CAMK1D: variants seen among roughly 807,000 people sequenced by gnomAD.
CAMK1D encodes calcium/calmodulin dependent protein kinase ID, also known as calcium/calmodulin-dependent protein kinase type 1D.
Under a neutral mutation model 47.7 loss-of-function variants are expected in CAMK1D, and 9 were observed. The ratio of observed to expected loss-of-function variants is 0.19; its 90% CI spans 0.11 to 0.33. The LOEUF is 0.33. Ranked by LOEUF, CAMK1D falls within the 10% of genes least tolerant of loss-of-function variation. CAMK1D has a pLI of 1.00. For missense variants in CAMK1D, 291 were observed against 488.7 expected, an observed-to-expected ratio of 0.60 and a Z score of 3.81; for synonymous variants, 184 against 184.9, an observed-to-expected ratio of 0.99 and a Z score of 0.04.
At chr10:12,593,448 G>C (rs1838054777) in intron 2 of CAMK1D, among the ~76,000 whole-genome samples, 1 of 152,156 alleles carries the variant, frequency 6.6e-6, no homozygotes, top group South Asian at 2.1e-4. Context: ...AAATTAGCCA[G>C]GCATGGTGGT....
intron 1 of CAMK1D, among the ~76,000 whole-genome samples, chr10:12,530,733 A>G (rs543613911): frequency 5.5e-4 from 83 of 152,240 alleles, no homozygotes; most frequent in Admixed American, 2.4e-3. Flanking sequence ...TTTCTGTTCC[A>G]TCATTAAAAT....
intron 2 of CAMK1D, among the ~76,000 whole-genome samples, chr10:12,594,709 A>C (rs547664037): frequency 2.6e-5 from 4 of 152,226 alleles, no homozygotes; most frequent in African/African-American, 9.6e-5. Context: ...TGTCTGCTGG[A>C]AAATACATAG....
intron 1 of CAMK1D, among the ~76,000 whole-genome samples, chr10:12,503,212 G>T (rs1268906001): frequency 6.6e-6 from 1 of 152,318 alleles, no homozygotes. Flanking sequence ...ATGTATGTGG[G>T]TAGACGTATA....
intron 5 of CAMK1D, among the ~76,000 whole-genome samples, chr10:12,773,392 G>A (rs1395116257): frequency 6.6e-6 from 1 of 152,170 alleles, no homozygotes. Context: ...CATAGTATTT[G>A]CATATAACCT....
intron 1 of CAMK1D, among the ~76,000 whole-genome samples, chr10:12,448,444 C>T (rs1277830407): frequency 6.6e-6 from 1 of 152,122 alleles, no homozygotes; most frequent in African/African-American, 2.4e-5. Context: ...GATCCTCCTG[C>T]CTCAGCCTCC....
intron 2 of CAMK1D, among the ~76,000 whole-genome samples, chr10:12,562,535 C>T (rs1333693850): frequency 2.0e-5 from 3 of 152,176 alleles, no homozygotes; most frequent in African/African-American, 7.2e-5. Context: ...AATCCAAACT[C>T]ATTTGCAAAC....
intron 1 of CAMK1D, among the ~76,000 whole-genome samples, chr10:12,507,770 T>C (rs140636526): frequency 6.6e-6 from 1 of 152,370 alleles, no homozygotes; most frequent in African/African-American, 2.4e-5. Flanking sequence ...TTCTCTCGTG[T>C]TAATTCCTTG....
At chr10:12,563,688 AGAGAGAGAGAGG>A (rs1296718899) in intron 2 of CAMK1D, among the ~76,000 whole-genome samples, 1,581 of 72,756 alleles carry the variant, frequency 0.022, 17 homozygotes, top group African/African-American at 0.045. Context: ...AGAGAGAGAG[AGAGAGAGAGAGG>A]GAGAGAGAGG....
At chr10:12,633,958 A>G (rs1398507036) in intron 2 of CAMK1D, among the ~76,000 whole-genome samples, 2 of 152,162 alleles carry the variant, frequency 1.3e-5, no homozygotes, top group Non-Finnish European at 2.9e-5. Flanking sequence ...GTGGAGTTTG[A>G]AACCTGCACA....
At chr10:12,496,149 G>T (rs1419248821) in intron 1 of CAMK1D, among the ~76,000 whole-genome samples, 1 of 152,024 alleles carries the variant, frequency 6.6e-6, no homozygotes, top group African/African-American at 2.4e-5. Flanking sequence ...AAATGTTCCT[G>T]GTTCTCTAAA....
chr10:12,517,324 CAG>C (rs1300410733), intron 1 of CAMK1D, among the ~76,000 whole-genome samples: 7 of 152,160 alleles, frequency 4.6e-5, no homozygotes, highest in African/African-American at 1.7e-4. Context: ...TATCTGCAAA[CAG>C]AGATATATTT....
chr10:12,809,571 CAT>C (rs916770866), intron 6 of CAMK1D, among the ~76,000 whole-genome samples: 7 of 152,200 alleles, frequency 4.6e-5, no homozygotes, highest in African/African-American at 1.7e-4. Flanking sequence ...AATTCTGCAA[CAT>C]GTGACAACAT....
At chr10:12,431,668 C>T (rs1261967756) in intron 1 of CAMK1D, among the ~76,000 whole-genome samples, 2 of 152,170 alleles carry the variant, frequency 1.3e-5, no homozygotes, top group Admixed American at 6.5e-5. Context: ...GAGCTGGGGG[C>T]GTCCGTTCCC....
intron 3 of CAMK1D, among the ~76,000 whole-genome samples, chr10:12,673,404 A>G (rs1840694801): frequency 6.6e-6 from 1 of 152,134 alleles, no homozygotes; most frequent in South Asian, 2.1e-4. Flanking sequence ...TTTTTATTCT[A>G]TTTTCAATGG....
chr10:12,556,456 T>C (rs2132279885), intron 2 of CAMK1D, among the ~76,000 whole-genome samples: 1 of 151,898 alleles, frequency 6.6e-6, no homozygotes, highest in Admixed American at 6.6e-5. Context: ...GGGTAGGGGG[T>C]GCTGTCTTCT....
intron 1 of CAMK1D, among the ~76,000 whole-genome samples, chr10:12,471,015 C>CT (rs1252196028): frequency 1.3e-5 from 2 of 152,224 alleles, no homozygotes; most frequent in Non-Finnish European, 2.9e-5. Context: ...GACTTCCCCT[C>CT]TTTCTTTTTT....
chr10:12,792,714 G>T (rs60206116), intron 6 of CAMK1D, among the ~76,000 whole-genome samples: 4 of 152,148 alleles, frequency 2.6e-5, no homozygotes, highest in Non-Finnish European at 5.9e-5. Flanking sequence ...GATTCTTGTC[G>T]TTATCACAGG....
chr10:12,368,177 C>A (rs1429011951), intron 1 of CAMK1D, among the ~76,000 whole-genome samples: 2 of 144,096 alleles, frequency 1.4e-5, no homozygotes, highest in East Asian at 2.1e-4. Context: ...CCGGCCTGGG[C>A]GACAGAGCGA....
At chr10:12,360,764 GAACCCGTA>G (rs1212423405) in intron 1 of CAMK1D, among the ~76,000 whole-genome samples, 1 of 152,146 alleles carries the variant, frequency 6.6e-6, no homozygotes, top group Non-Finnish European at 1.5e-5. Context: ...TTGGGGAATA[GAACCCGTA>G]AACCAACCTA....
Sources: gnomAD v4.1 joint callset for allele counts (sites outside exome capture counted in the v4.1 genomes callset) on GRCh38, gnomAD v4.1.1 for gene constraint, MANE v1.5 for transcripts, NCBI Gene and HGNC (gene_info 2026-07-23, HGNC 2026-07-21) for gene names.